The following MEGF11 variants were observed in gnomAD, a reference collection of about 807,000 sequenced individuals.
MEGF11 encodes the protein multiple EGF like domains 11.
A neutral mutation model predicts 146.6 loss-of-function variants in MEGF11; 126 were observed. That is an observed-to-expected ratio of 0.86 (90% CI 0.74 to 1.00). The LOEUF is 1.00. MEGF11 is among the 50% of genes least tolerant of loss of function. The pLI is 0.00. For synonymous variants in MEGF11, 532 were observed against 583.4 expected (o/e 0.91, Z 1.27); for missense variants, 1,509 against 1,521.2 (o/e 0.99, Z 0.13).
At chr15:66,176,422 G>C (rs374732225) in intron 1 of MEGF11, among the ~76,000 whole-genome samples, 21 of 152,238 alleles carry the variant, frequency 1.4e-4, no homozygotes, top group African/African-American at 3.9e-4. Flanking sequence ...TGGGGTGGAG[G>C]GGGGATAAAG....
chr15:65,915,596 A>T lies in MEGF11; in HGVS notation c.2347T>A (p.Cys783Ser), dbSNP rs2078968893. The part of the protein sequence containing the change: ...GFTGQHCEQR[C>S]APGTFGYGCQ... ...CCATAGCCAAAGGTTCCTGGGGCAC[A>T]TCCTGTGTGGCACAAAGAGTTAGGG... The change falls in exon 19 of 26, where the codon TGT becomes AGT. Residue 783 changes from cysteine (C) to serine (S), a missense_variant and splice_region_variant. Transcript: ENST00000395614. 1 of 1,613,838 alleles carries T rather than the reference A, an allele frequency of 6.2e-7. No homozygotes were observed. The highest frequency in any genetic ancestry group is 8.5e-7 in the Non-Finnish European group (1 of 1,179,780).
At chr15:66,171,576 A>G (rs556064522) in intron 1 of MEGF11, among the ~76,000 whole-genome samples, 2 of 152,206 alleles carry the variant, frequency 1.3e-5, no homozygotes, top group East Asian at 3.9e-4. Context: ...CACCCTGTGC[A>G]CGTCTCCAGA....
chr15:66,002,295 A>G (rs995985808), intron 5 of MEGF11, among the ~76,000 whole-genome samples: 5 of 152,176 alleles, frequency 3.3e-5, no homozygotes, highest in African/African-American at 7.2e-5. Flanking sequence ...AGAGAGAACA[A>G]TCTTATTAAA....
At position 65,980,843 on chromosome 15, in the gene MEGF11, G is replaced by A; in HGVS notation, c.697C>T (p.Pro233Ser). The change falls in exon 7 of 26, where the codon CCC (proline) becomes TCC (serine). Residue 233 changes from proline (P) to serine (S), a missense_variant. Pro to Ser is a moderately conservative substitution (Grantham distance 74). Transcript: ENST00000395614. ...SHGAHCELRC[P>S]CQNGGTCHHI... ...TGGCAGGTGCCCCCATTCTGACAGG[G>A]GCAGCGCAGCTCACAGTGAGCTCCA... 2 of 1,599,870 alleles carry A rather than the reference G, an allele frequency of 1.3e-6. No individual in the cohort carries two copies. The highest frequency in any genetic ancestry group is 1.7e-6 in the Non-Finnish European group (2 of 1,173,902).
chr15:66,045,219 A>G (rs774422217), intron 5 of MEGF11, among the ~76,000 whole-genome samples: 2 of 152,134 alleles, frequency 1.3e-5, no homozygotes, highest in African/African-American at 2.4e-5. Flanking sequence ...TAGCTCTACT[A>G]TCTCTACCTG....
At chr15:66,126,854 C>T (rs2088373787) in intron 2 of MEGF11, among the ~76,000 whole-genome samples, 1 of 152,206 alleles carries the variant, frequency 6.6e-6, no homozygotes, top group South Asian at 2.1e-4. Flanking sequence ...CCTGAGTAAC[C>T]TCAGAATCAC....
intron 1 of MEGF11, among the ~76,000 whole-genome samples, chr15:66,195,517 A>C (rs1398619909): frequency 6.6e-6 from 1 of 152,248 alleles, no homozygotes; most frequent in African/African-American, 2.4e-5. Flanking sequence ...GTGATCCCAC[A>C]GGGCAAGAGA....
intron 1 of MEGF11, among the ~76,000 whole-genome samples, chr15:66,181,140 C>G (rs546810073): frequency 3.0e-4 from 45 of 152,288 alleles, no homozygotes; most frequent in African/African-American, 1.0e-3. Flanking sequence ...ATTACCTAGG[C>G]AAAAATTAGA....
At chr15:66,043,692 C>T (rs1422708484) in intron 5 of MEGF11, among the ~76,000 whole-genome samples, 1 of 152,216 alleles carries the variant, frequency 6.6e-6, no homozygotes. Flanking sequence ...CAGTGACAGG[C>T]ACCAGGAACC....
chr15:66,010,700 C>T (rs1026184483), intron 5 of MEGF11, among the ~76,000 whole-genome samples: 4 of 152,228 alleles, frequency 2.6e-5, no homozygotes, highest in African/African-American at 7.2e-5. Context: ...CAATGTTGGA[C>T]GTGCATGATA....
chr15:65,969,344 GA>G (rs1295139260), intron 8 of MEGF11, among the ~76,000 whole-genome samples: 1 of 152,140 alleles, frequency 6.6e-6, no homozygotes, highest in Middle Eastern at 3.2e-3. Flanking sequence ...GGCTCATCCT[GA>G]GCATTTCCTT....
chr15:66,046,349 G>C (rs577564688), intron 5 of MEGF11, among the ~76,000 whole-genome samples: 1 of 152,302 alleles, frequency 6.6e-6, no homozygotes, highest in East Asian at 1.9e-4. Flanking sequence ...TAGCCTTTGA[G>C]AGTTCTTAAC....
At chr15:66,159,601 G>A (rs1392779756) in intron 1 of MEGF11, among the ~76,000 whole-genome samples, 8 of 152,192 alleles carry the variant, frequency 5.3e-5, no homozygotes, top group African/African-American at 1.4e-4. Flanking sequence ...GACCTACAGC[G>A]TGTGGGAGGA....
intron 1 of MEGF11, among the ~76,000 whole-genome samples, chr15:66,243,667 G>A (rs1331723685): frequency 6.6e-6 from 1 of 152,172 alleles, no homozygotes; most frequent in African/African-American, 2.4e-5. Flanking sequence ...GTAGATTGTT[G>A]CTCATCCTCT....
At chr15:65,899,756 C>T (rs1432648616) in intron 24 of MEGF11, among the ~76,000 whole-genome samples, 1 of 152,134 alleles carries the variant, frequency 6.6e-6, no homozygotes, top group East Asian at 1.9e-4. Context: ...GTTGCTTACC[C>T]CCCTGTTCTT....
intron 10 of MEGF11, 96 bp from the exon 11 acceptor site, chr15:65,931,039 C>T: frequency 7.4e-7 from 1 of 1,355,200 alleles, no homozygotes; most frequent in Non-Finnish European, 9.7e-7. Flanking sequence ...CCAACATGTC[C>T]ATGTCCTAAT....
At chr15:65,962,965 G>C (rs370368109) in intron 9 of MEGF11, among the ~76,000 whole-genome samples, 1 of 152,222 alleles carries the variant, frequency 6.6e-6, no homozygotes, top group East Asian at 1.9e-4. Context: ...GGAGAGAAGA[G>C]GGGGAGTCCT....
At chr15:66,130,424 G>A (rs2088590453) in intron 1 of MEGF11, among the ~76,000 whole-genome samples, 1 of 152,106 alleles carries the variant, frequency 6.6e-6, no homozygotes, top group Non-Finnish European at 1.5e-5. Context: ...GCATTCTCCC[G>A]AGAGAACCTC....
chr15:66,052,763 C>A (rs1460886979), intron 5 of MEGF11, among the ~76,000 whole-genome samples: 1 of 152,202 alleles, frequency 6.6e-6, no homozygotes, highest in Non-Finnish European at 1.5e-5. Context: ...GCCCTCCCAT[C>A]TTTGAACAAC....
Sources: gnomAD v4.1 joint callset for allele counts (sites outside exome capture counted in the v4.1 genomes callset) on GRCh38, gnomAD v4.1.1 for gene constraint, MANE v1.5 for transcripts, NCBI Gene and HGNC (gene_info 2026-07-23, HGNC 2026-07-21) for gene names.